Variants in KCNIP4 observed in about 807,000 individuals in gnomAD.
KCNIP4 encodes Kv channel-interacting protein 4.
A neutral mutation model predicts 34.0 loss-of-function variants in KCNIP4; 12 were observed. That is an observed-to-expected ratio of 0.35 (90% CI 0.23 to 0.57). The LOEUF (loss-of-function observed/expected upper bound fraction) is 0.57, where lower values mean the gene tolerates loss of function less well. Ranked by LOEUF, KCNIP4 falls within the 20% of genes least tolerant of loss-of-function variation. The probability of loss-of-function intolerance (pLI) is 0.83; values close to 1 mark genes in which losing one functional copy is unlikely to be tolerated. For missense variants in KCNIP4, 238 were observed against 311.7 expected (o/e 0.76, Z 1.78); for synonymous variants, 124 against 102.2 (o/e 1.21, Z -1.29).
At chr4:21,844,684 A>G (rs1723897673) in intron 1 of KCNIP4, 1 of 152,202 alleles carries the variant, frequency 6.6e-6, no homozygotes, top group South Asian at 2.1e-4. Context: ...GGGTATTTTA[A>G]GAAAACCTCA....
intron 1 of KCNIP4, among the ~76,000 whole-genome samples, chr4:20,955,685 C>G (rs1309939814): frequency 6.6e-6 from 1 of 151,934 alleles, no homozygotes; most frequent in Non-Finnish European, 1.5e-5. Context: ...TAGTTGATTA[C>G]CTGAGAGAGG....
chr4:21,800,371 T>C (rs912116777), intron 1 of KCNIP4, among the ~76,000 whole-genome samples: 3 of 152,218 alleles, frequency 2.0e-5, no homozygotes, highest in African/African-American at 2.4e-5. Context: ...TTAGATTTGG[T>C]TTGTTTTCAA....
chr4:21,889,853 C>T (rs146416818), intron 1 of KCNIP4, among the ~76,000 whole-genome samples: 1 of 152,258 alleles, frequency 6.6e-6, no homozygotes, highest in African/African-American at 2.4e-5. Flanking sequence ...TCAGTAATGC[C>T]ATAGACCGTG....
chr4:20,914,423 T>C (rs370433073), intron 1 of KCNIP4, among the ~76,000 whole-genome samples: 1 of 152,120 alleles, frequency 6.6e-6, no homozygotes, highest in South Asian at 2.1e-4. Context: ...CGCATCCCTT[T>C]TGCATGTGAA....
intron 1 of KCNIP4, among the ~76,000 whole-genome samples, chr4:21,606,699 T>C (rs1743712455): frequency 6.6e-6 from 1 of 152,168 alleles, no homozygotes; most frequent in Non-Finnish European, 1.5e-5. Context: ...GTTCAATCGA[T>C]TCTCCTGCCT....
intron 1 of KCNIP4, among the ~76,000 whole-genome samples, chr4:21,098,935 T>C (rs2109062835): frequency 1.3e-5 from 2 of 152,226 alleles, no homozygotes; most frequent in Middle Eastern, 6.8e-3. Context: ...TTAACATCAG[T>C]CAGAATGGCA....
chr4:21,700,679 C>G (rs1407895711), intron 1 of KCNIP4, among the ~76,000 whole-genome samples: 5 of 151,910 alleles, frequency 3.3e-5, no homozygotes, highest in African/African-American at 1.2e-4. Flanking sequence ...TTGTCCATAC[C>G]AATGTCCTGA....
At chr4:21,103,042 G>A (rs1172307997) in intron 1 of KCNIP4, among the ~76,000 whole-genome samples, 1 of 151,916 alleles carries the variant, frequency 6.6e-6, no homozygotes, top group Non-Finnish European at 1.5e-5. Context: ...CTTGCTATGT[G>A]GCATTACAAT....
At chr4:21,909,508 A>G (rs1728181152) in intron 1 of KCNIP4, among the ~76,000 whole-genome samples, 1 of 151,990 alleles carries the variant, frequency 6.6e-6, no homozygotes, top group Non-Finnish European at 1.5e-5. Context: ...TGTTTATTTC[A>G]TAGTCTTCTT....
At chr4:21,452,145 A>G (rs1035364738) in intron 1 of KCNIP4, among the ~76,000 whole-genome samples, 2 of 152,112 alleles carry the variant, frequency 1.3e-5, no homozygotes, top group African/African-American at 4.8e-5. Context: ...GATTATCTAC[A>G]CAAGATGATA....
rs569004553 is a variant in KCNIP4, at chr4:21,923,289, T to C, written c.61+25282A>G. On this transcript the variant is annotated intron_variant, in intron 1 of 8. Coordinates refer to ENST00000382152, the MANE Select transcript of KCNIP4 (RefSeq NM_025221.6). Reference sequence around the variant, plus strand: ...AACCCAACTACCCATTTAAAATACCTTTTCTTCTTATGCCAAGTATGGTGG... The same window carrying C: ...AACCCAACTACCCATTTAAAATACCCTTTCTTCTTATGCCAAGTATGGTGG... Among the ~76,000 whole-genome samples the C allele has an allele frequency of 8.8e-4, 134 of 152,258 alleles. No homozygotes were observed. In the Middle Eastern group the frequency reaches 0.017, roughly 19 times the overall value.
chr4:21,266,051 T>TA (rs1761786285), intron 1 of KCNIP4, among the ~76,000 whole-genome samples: 1 of 152,206 alleles, frequency 6.6e-6, no homozygotes, highest in South Asian at 2.1e-4. Flanking sequence ...GTACTATCAG[T>TA]CCCATTTAAC....
At chr4:21,908,519 G>A in intron 1 of KCNIP4, among the ~76,000 whole-genome samples, 1 of 152,086 alleles carries the variant, frequency 6.6e-6, no homozygotes, top group East Asian at 1.9e-4. Flanking sequence ...ATAAAATGTG[G>A]GATCATGCTA....
intron 1 of KCNIP4, among the ~76,000 whole-genome samples, chr4:21,305,641 C>T (rs370023041): frequency 9.2e-5 from 14 of 152,302 alleles, no homozygotes; most frequent in African/African-American, 2.9e-4. Context: ...CTTTTCTCTC[C>T]GTGATCCGGT....
chr4:20,745,179 TG>T (rs1227253762), intron 5 of KCNIP4, among the ~76,000 whole-genome samples: 3 of 152,102 alleles, frequency 2.0e-5, no homozygotes, highest in Non-Finnish European at 2.9e-5. Flanking sequence ...GCCCCATCTC[TG>T]GCCTTTTTGT....
At chr4:21,899,291 C>A (rs1727575356) in intron 1 of KCNIP4, among the ~76,000 whole-genome samples, 1 of 152,036 alleles carries the variant, frequency 6.6e-6, no homozygotes, top group Non-Finnish European at 1.5e-5. Context: ...TACCTTAACA[C>A]ATAAAAGCCA....
chr4:20,992,981 T>C (rs182049638), intron 1 of KCNIP4, among the ~76,000 whole-genome samples: 1,435 of 125,076 alleles, frequency 0.011, 27 homozygotes, highest in African/African-American at 0.042. Flanking sequence ...TGAGCCGAGA[T>C]CATGCCACTG....
At chr4:21,749,819 T>G (rs149537432) in intron 1 of KCNIP4, among the ~76,000 whole-genome samples, 1 of 152,274 alleles carries the variant, frequency 6.6e-6, no homozygotes, top group East Asian at 1.9e-4. Flanking sequence ...AACACCCTCA[T>G]GCTGAGTTCC....
chr4:20,997,105 G>A (rs935814856), intron 1 of KCNIP4, among the ~76,000 whole-genome samples: 2 of 152,172 alleles, frequency 1.3e-5, no homozygotes, highest in Non-Finnish European at 2.9e-5. Context: ...ATATCTATAA[G>A]AGAGTGGAAT....
Sources: allele counts gnomAD v4.1 joint callset (sites outside exome capture counted in the v4.1 genomes callset), GRCh38; gene constraint gnomAD v4.1.1; transcripts MANE v1.5; gene names NCBI Gene and HGNC (gene_info 2026-07-23, HGNC 2026-07-21).